Variants in ANKRD31 observed in about 807,000 individuals in gnomAD.
ANKRD31 encodes the protein ankyrin repeat domain-containing protein 31.
Under a neutral mutation model 186.0 loss-of-function variants are expected in ANKRD31, and 147 were observed. The ratio of observed to expected loss-of-function variants is 0.79; its 90% CI spans 0.69 to 0.91. The LOEUF is 0.91. Ranked by LOEUF, ANKRD31 falls within the 40% of genes least tolerant of loss-of-function variation. ANKRD31 has a pLI of 0.00. For missense variants in ANKRD31, 1,986 were observed against 2,148.8 expected, an observed-to-expected ratio of 0.92 and a Z score of 1.50; for synonymous variants, 673 against 736.4, an observed-to-expected ratio of 0.91 and a Z score of 1.39.
intron 3 of ANKRD31, among the ~76,000 whole-genome samples, chr5:75,221,524 T>C (rs1350559342): frequency 4.6e-5 from 7 of 152,154 alleles, no homozygotes; most frequent in Admixed American, 4.6e-4. Context: ...AATTATTACA[T>C]CCTATTTTAA....
chr5:75,140,894 C>G (rs1057099677), intron 15 of ANKRD31, among the ~76,000 whole-genome samples: 1 of 152,174 alleles, frequency 6.6e-6, no homozygotes, highest in African/African-American at 2.4e-5. Context: ...CCAGTCCTGG[C>G]CAACACTTTG....
Position 75,147,237 on chromosome 5 carries a change from G to A in ANKRD31, c.2174C>T (p.Pro725Leu), listed in dbSNP as rs1244351111. 14 of 1,535,954 alleles carry A rather than the reference G, an allele frequency of 9.1e-6. No homozygotes were observed. The highest frequency in any genetic ancestry group is 1.4e-5 in the African/African-American group (1 of 72,900). ...TGTTTTTCTTCTTCCTATACCTTTT[G>A]GTACGTTTGTGTTGGGATCTTTGAC... ...HNVKDPNTNVPKGIGRRKTQH... is the reference protein window; with the variant it reads ...HNVKDPNTNVLKGIGRRKTQH... Residue 725 changes from proline to leucine, a missense_variant, in exon 14 of 26, where the codon CCA (proline) becomes CTA (leucine). Coordinates refer to ENST00000506364, the MANE Select transcript of ANKRD31 (RefSeq NM_001372053.1).
At chr5:75,123,654 G>A (rs960080894) in intron 17 of ANKRD31, among the ~76,000 whole-genome samples, 1 of 152,050 alleles carries the variant, frequency 6.6e-6, no homozygotes, top group African/African-American at 2.4e-5. Context: ...CATATCTATA[G>A]CTAACTGATC....
At chr5:75,095,761 T>C (rs754038148) in intron 22 of ANKRD31, among the ~76,000 whole-genome samples, 1 of 152,230 alleles carries the variant, frequency 6.6e-6, no homozygotes, top group Non-Finnish European at 1.5e-5. Flanking sequence ...TTTATTATTA[T>C]TGTTAATCTG....
chr5:75,184,103 T>G (rs1329057734), intron 10 of ANKRD31, among the ~76,000 whole-genome samples: 2 of 152,132 alleles, frequency 1.3e-5, no homozygotes, highest in African/African-American at 4.8e-5. Context: ...TCCACGCATC[T>G]ACAGCCAACT....
At chr5:75,108,035 A>G (rs1245411637) in intron 20 of ANKRD31, among the ~76,000 whole-genome samples, 1 of 152,030 alleles carries the variant, frequency 6.6e-6, no homozygotes, top group Non-Finnish European at 1.5e-5. Context: ...ATTTACATAG[A>G]TGAAAAGTAA....
chr5:75,071,036 G>C (rs4704169), intron 25 of ANKRD31, among the ~76,000 whole-genome samples: 1 of 152,138 alleles, frequency 6.6e-6, no homozygotes, highest in Non-Finnish European at 1.5e-5. Flanking sequence ...TTCCAAAACT[G>C]TATTCCTTAG....
chr5:75,086,533 G>A (rs1580294891), intron 23 of ANKRD31, among the ~76,000 whole-genome samples: 1 of 152,222 alleles, frequency 6.6e-6, no homozygotes, highest in East Asian at 1.9e-4. Context: ...AGGAAGAGCT[G>A]GAGGCTAAGT....
Position 75,203,673 on chromosome 5 carries a change from A to AGAAAAGAAAAGAAAAG in ANKRD31, c.403+2737_403+2738insCTTTTCTTTTCTTTTC, listed in dbSNP as rs536156544. ...GAGAGGATCCATCTCAAAAAAAAAA[A>AGAAAAGAAAAGAAAAG]AAAAGAAAAGAAAAGAAAAGAAAAG... On this transcript the variant is annotated intron_variant, in intron 5 of 25. Coordinates refer to ENST00000506364, the MANE Select transcript of ANKRD31 (RefSeq NM_001372053.1). Among the ~76,000 whole-genome samples the AGAAAAGAAAAGAAAAG allele has an allele frequency of 3.4e-5, 5 of 148,330 alleles. No homozygotes were observed. The East Asian group carries it at 7.9e-4, about 24-fold the overall frequency.
chr5:75,107,838 G>A (rs1222506546), intron 20 of ANKRD31, among the ~76,000 whole-genome samples: 1 of 152,008 alleles, frequency 6.6e-6, no homozygotes, highest in East Asian at 1.9e-4. Context: ...CAGTAGGCCA[G>A]CCTGAGTTCT....
At position 75,068,535 on chromosome 5, in the gene ANKRD31, T is replaced by C; in HGVS notation, c.5777A>G (p.Glu1926Gly). The change falls in exon 26 of 26, where the codon GAG (glutamate) becomes GGG (glycine). Residue 1926 changes from glutamate to glycine, a missense_variant. Physicochemically the swap from Glu to Gly is moderately conservative, Grantham distance 98. Transcript: ENST00000506364. ...ACCAAGGTTTTAGGGTGTTAGTTCC[T>C]CACATTCCACACAAAACTTCCAATG... ...DQHWKFCVEC[E>G]ELTP 1.3e-6 allele frequency: 2 copies of C among 1,515,660 alleles called. No homozygotes were observed. The highest frequency in any genetic ancestry group is 1.8e-6 in the Non-Finnish European group (2 of 1,138,148). The allele number at this position is 1,515,660 out of a possible 1,614,324, so 93.9% of individuals were successfully genotyped here.
At chr5:75,183,312 A>G (rs983191458) in intron 10 of ANKRD31, among the ~76,000 whole-genome samples, 12 of 152,210 alleles carry the variant, frequency 7.9e-5, no homozygotes, top group Non-Finnish European at 1.3e-4. Flanking sequence ...CTACCTTCAT[A>G]TGAAACAGGG....
chr5:75,216,831 G>T (rs182471998), intron 3 of ANKRD31, among the ~76,000 whole-genome samples: 1 of 152,124 alleles, frequency 6.6e-6, no homozygotes, highest in African/African-American at 2.4e-5. Context: ...AAAAAATTGA[G>T]ATCTTTCTAA....
chr5:75,202,020 C>T (rs76797257), intron 5 of ANKRD31, among the ~76,000 whole-genome samples: 1 of 152,180 alleles, frequency 6.6e-6, no homozygotes, highest in Non-Finnish European at 1.5e-5. Context: ...CCAGGCCACA[C>T]CTTGCTTCTG....
In ANKRD31 at chr5:75,230,592, GA is replaced by G. The variant is rs1275685586; in HGVS notation, c.147del (p.Leu50CysfsTer31). ...DQDASLKSEFSLHPDTRGMCK... is the reference protein window; with the variant it reads ...DQDASLKSEFXLHPDTRGMCK... ...CACATTCCTCTTGTATCAGGATGCAGACTGAACTCAGATTTAAGAGATGCGT... is the reference window on the plus strand; with the variant it reads ...CACATTCCTCTTGTATCAGGATGCAGCTGAACTCAGATTTAAGAGATGCGT... On this transcript the variant is annotated frameshift_variant, in exon 2 of 26. Coordinates refer to ENST00000506364, the MANE Select transcript of ANKRD31 (RefSeq NM_001372053.1). LOFTEE classifies it high-confidence loss of function. 9.1e-6 allele frequency: 14 copies of G among 1,536,816 alleles called. No individual in the cohort carries two copies. Among genetic ancestry groups the G allele is most frequent in the Non-Finnish European group, 1.2e-5 (14 of 1,146,754 alleles).
intron 7 of ANKRD31, among the ~76,000 whole-genome samples, chr5:75,195,320 T>G (rs1197248807): frequency 6.6e-6 from 1 of 152,162 alleles, no homozygotes; most frequent in African/African-American, 2.4e-5. Flanking sequence ...ATATAAGCAA[T>G]CTAAAGATAT....
At chr5:75,230,330 G>A (rs1380077775) in intron 2 of ANKRD31, among the ~76,000 whole-genome samples, 1 of 152,154 alleles carries the variant, frequency 6.6e-6, no homozygotes, top group Non-Finnish European at 1.5e-5. Flanking sequence ...TTATTTCAAT[G>A]TTTACTATCA....
chr5:75,236,245 G>A (rs1172474496), intron 1 of ANKRD31, among the ~76,000 whole-genome samples: 1 of 152,146 alleles, frequency 6.6e-6, no homozygotes, highest in Non-Finnish European at 1.5e-5. Flanking sequence ...GCAAAATGAA[G>A]TCTCCTGAAA....
At chr5:75,123,870 T>G (rs1748990021) in intron 17 of ANKRD31, among the ~76,000 whole-genome samples, 1 of 152,054 alleles carries the variant, frequency 6.6e-6, no homozygotes, top group African/African-American at 2.4e-5. Flanking sequence ...GACATTTGTC[T>G]AGGCAAAGAA....
Sources: allele counts gnomAD v4.1 joint callset (sites outside exome capture counted in the v4.1 genomes callset), GRCh38; gene constraint gnomAD v4.1.1; transcripts MANE v1.5; gene names NCBI Gene and HGNC (gene_info 2026-07-23, HGNC 2026-07-21).